The following GRID1 variants were observed in gnomAD, a reference collection of about 807,000 sequenced individuals.
GRID1 encodes glutamate ionotropic receptor delta type subunit 1.
In GRID1, 28 loss-of-function variants were observed where a neutral mutation model predicts 98.0. The observed-to-expected ratio is 0.29, with a 90% CI of 0.21 to 0.39. GRID1 has a LOEUF of 0.39. Ranked by LOEUF, GRID1 falls within the 10% of genes least tolerant of loss-of-function variation. The pLI is 1.00. For missense variants in GRID1, 1,111 were observed against 1,340.5 expected, an observed-to-expected ratio of 0.83 and a Z score of 2.67; for synonymous variants, 553 against 538.5, an observed-to-expected ratio of 1.03 and a Z score of -0.37.
chr10:86,085,658 G>A (rs1419208434), intron 4 of GRID1, among the ~76,000 whole-genome samples: 10 of 152,054 alleles, frequency 6.6e-5, no homozygotes, highest in Admixed American at 6.5e-4. Flanking sequence ...TTATTTCCTG[G>A]TCACCAGGAA....
intron 12 of GRID1, among the ~76,000 whole-genome samples, chr10:85,693,819 A>G (rs781409940): frequency 3.3e-5 from 5 of 152,230 alleles, no homozygotes; most frequent in Non-Finnish European, 5.9e-5. Context: ...TAAGACTGAA[A>G]CTACAGAAAT....
intron 12 of GRID1, among the ~76,000 whole-genome samples, chr10:85,677,834 G>C (rs562176975): frequency 2.6e-5 from 4 of 152,228 alleles, no homozygotes; most frequent in Non-Finnish European, 4.4e-5. Flanking sequence ...ATGCACAATG[G>C]GGGGAGGTGA....
intron 8 of GRID1, among the ~76,000 whole-genome samples, chr10:85,758,386 C>T (rs561680112): frequency 6.6e-6 from 1 of 152,286 alleles, no homozygotes; most frequent in East Asian, 1.9e-4. Context: ...AATTTCTTTC[C>T]AAGTTGACTT....
intron 4 of GRID1, among the ~76,000 whole-genome samples, chr10:86,063,297 G>A (rs903771588): frequency 2.0e-5 from 3 of 152,204 alleles, no homozygotes; most frequent in Non-Finnish European, 4.4e-5. Flanking sequence ...AAACCCACAG[G>A]TGCTAGAGAA....
chr10:85,646,777 G>A, intron 13 of GRID1: 1 of 215,292 alleles, frequency 4.6e-6, no homozygotes, highest in Middle Eastern at 1.8e-3. Flanking sequence ...TTCCCCGTAT[G>A]CAGACTTCCT....
chr10:86,115,020 C>T (rs572174864), intron 4 of GRID1, among the ~76,000 whole-genome samples: 6 of 152,286 alleles, frequency 3.9e-5, no homozygotes, highest in Admixed American at 2.6e-4. Context: ...GCTTCCTGGA[C>T]TTTTGTTGGA....
chr10:86,048,168 C>A (rs1843451653), intron 4 of GRID1, among the ~76,000 whole-genome samples: 1 of 152,126 alleles, frequency 6.6e-6, no homozygotes, highest in Non-Finnish European at 1.5e-5. Context: ...TCAGAGATCA[C>A]CAGGAAGGGG....
intron 15 of GRID1, chr10:85,606,578 G>A (rs1842667925): frequency 6.6e-6 from 1 of 152,192 alleles, no homozygotes; most frequent in African/African-American, 2.4e-5. Flanking sequence ...TAAGTCGCCT[G>A]CTCCTGCTGC....
Position 86,247,811 on chromosome 10 carries a change from G to A in GRID1, c.236-41163C>T, listed in dbSNP as rs1268537013. ...CCCAGCCATGAACTAGAGAGGGGAT[G>A]GCCCAGCACTCCTCCTTCAAGGAGG... On this transcript the variant is annotated intron_variant, in intron 2 of 15. Transcript: ENST00000327946. Among the ~76,000 whole-genome samples, 24 of 152,128 alleles carry A rather than the reference G, an allele frequency of 1.6e-4. 1 individual carries two copies. The highest frequency in any genetic ancestry group is 1.6e-3 in the Admixed American group (24 of 15,276).
intron 12 of GRID1, among the ~76,000 whole-genome samples, chr10:85,650,930 T>C (rs1254773803): frequency 2.0e-5 from 3 of 152,208 alleles, no homozygotes; most frequent in Admixed American, 6.5e-5. Context: ...CTGTTTGACA[T>C]AGACCAGTAG....
chr10:85,774,035 G>T (rs1842301938), intron 8 of GRID1, among the ~76,000 whole-genome samples: 1 of 152,120 alleles, frequency 6.6e-6, no homozygotes, highest in Non-Finnish European at 1.5e-5. Flanking sequence ...TAAGCCAAAA[G>T]AACAAAGCTG....
At chr10:85,893,571 G>A (rs994076971) in intron 5 of GRID1, among the ~76,000 whole-genome samples, 16 of 152,134 alleles carry the variant, frequency 1.1e-4, no homozygotes, top group African/African-American at 3.6e-4. Flanking sequence ...GAAACCAGTT[G>A]TATTGCTACA....
At chr10:86,357,695 G>A (rs555994743) in intron 2 of GRID1, among the ~76,000 whole-genome samples, 4 of 152,324 alleles carry the variant, frequency 2.6e-5, no homozygotes, top group Admixed American at 6.5e-5. Context: ...CCAGAATGAA[G>A]GAGAACCCTG....
At chr10:85,787,159 C>T (rs1025506559) in intron 8 of GRID1, among the ~76,000 whole-genome samples, 37 of 152,176 alleles carry the variant, frequency 2.4e-4, no homozygotes, top group African/African-American at 8.9e-4. Flanking sequence ...AGAGACCATT[C>T]CCATTCATGC....
intron 4 of GRID1, among the ~76,000 whole-genome samples, chr10:85,991,534 G>A (rs1215179031): frequency 6.6e-6 from 1 of 151,926 alleles, no homozygotes; most frequent in Non-Finnish European, 1.5e-5. Context: ...CTGGGGAGGT[G>A]GACAGTGGGA....
chr10:85,614,665 G>T (rs2132515646), intron 14 of GRID1, among the ~76,000 whole-genome samples: 1 of 152,278 alleles, frequency 6.6e-6, no homozygotes, highest in East Asian at 1.9e-4. Context: ...AAAATGGCCA[G>T]TGAGACTATT....
At chr10:86,006,043 GAAGA>G (rs1193070179) in intron 4 of GRID1, among the ~76,000 whole-genome samples, 2 of 152,170 alleles carry the variant, frequency 1.3e-5, no homozygotes, top group Non-Finnish European at 2.9e-5. Context: ...TTCTGAGAAG[GAAGA>G]GTGAAGAGGT....
At chr10:86,256,798 C>A (rs1396995159) in intron 2 of GRID1, among the ~76,000 whole-genome samples, 3 of 152,204 alleles carry the variant, frequency 2.0e-5, no homozygotes, top group Admixed American at 1.3e-4. Flanking sequence ...ATGGACTCAG[C>A]TCCTGGGCTC....
intron 4 of GRID1, among the ~76,000 whole-genome samples, chr10:86,066,479 T>C (rs1206881403): frequency 6.6e-6 from 1 of 152,184 alleles, no homozygotes; most frequent in Non-Finnish European, 1.5e-5. Context: ...GACTGAAGAA[T>C]GCACCCAAGT....
Sources: allele counts gnomAD v4.1 joint callset (sites outside exome capture counted in the v4.1 genomes callset), GRCh38; gene constraint gnomAD v4.1.1; transcripts MANE v1.5; gene names NCBI Gene and HGNC (gene_info 2026-07-23, HGNC 2026-07-21).